Variants in TENM1 observed in about 807,000 individuals in gnomAD.
The protein encoded by TENM1 is teneurin transmembrane protein 1.
Under a neutral mutation model 174.8 loss-of-function variants are expected in TENM1, and 35 were observed. The ratio of observed to expected loss-of-function variants is 0.20; its 90% confidence interval spans 0.15 to 0.27. The LOEUF (loss-of-function observed/expected upper bound fraction) is 0.27, where lower values mean the gene tolerates loss of function less well. Ranked by LOEUF, TENM1 falls within the 10% of genes least tolerant of loss-of-function variation. The pLI is 1.00. For synonymous variants in TENM1, 781 were observed against 798.7 expected (o/e 0.98, Z 0.37); for missense variants, 1,633 against 2,130.1 (o/e 0.77, Z 4.59).
intron 3 of TENM1, among the ~76,000 whole-genome samples, chrX:124,756,931 G>A (rs960565855): frequency 3.6e-5 from 4 of 112,016 alleles, no homozygotes; most frequent in African/African-American, 1.3e-4. Context: ...AGGCTGCTCG[G>A]GGGTCAGGGG....
the TENM1 span, among the ~76,000 whole-genome samples, chrX:125,004,225 A>T: frequency 1.8e-4 from 20 of 111,752 alleles, no homozygotes; most frequent in African/African-American, 5.5e-4. Flanking sequence ...CACTCCGAGC[A>T]TTTCTGATTC....
the TENM1 span, among the ~76,000 whole-genome samples, chrX:125,122,740 G>A: frequency 9.0e-6 from 1 of 110,799 alleles, no homozygotes; most frequent in Non-Finnish European, 1.9e-5. Context: ...AGAACTACAA[G>A]GTCATACAGA....
chrX:124,920,982 T>C (rs73215170), intron 1 of TENM1, among the ~76,000 whole-genome samples: 4,532 of 105,394 alleles, frequency 0.043, 122 homozygotes, highest in Non-Finnish European at 0.068. Context: ...AGTCCCTTTA[T>C]ATAACAAGAC....
intron 23 of TENM1, among the ~76,000 whole-genome samples, chrX:124,424,749 C>T (rs563357009): frequency 2.7e-5 from 3 of 110,957 alleles, no homozygotes; most frequent in East Asian, 5.7e-4. Flanking sequence ...TACTGTCCCC[C>T]CTTGGTACTG....
chrX:124,571,989 A>AT (rs1451070539), intron 11 of TENM1, among the ~76,000 whole-genome samples: 1 of 109,135 alleles, frequency 9.2e-6, no homozygotes, highest in East Asian at 2.9e-4. Flanking sequence ...GGATGTCTCT[A>AT]TTTTGCCCAG....
At chrX:124,571,089 C>T (rs962480775) in intron 11 of TENM1, among the ~76,000 whole-genome samples, 2 of 111,591 alleles carry the variant, frequency 1.8e-5, no homozygotes. Flanking sequence ...CAAAAACTGA[C>T]AAAGATTCAT....
chrX:125,004,705 CTTCA>C, the TENM1 span, among the ~76,000 whole-genome samples: 1 of 110,997 alleles, frequency 9.0e-6, no homozygotes, highest in Non-Finnish European at 1.9e-5. Flanking sequence ...GTTAAATTTG[CTTCA>C]TTTATATTTT....
At chrX:124,521,734 A>G (rs973766844) in intron 17 of TENM1, among the ~76,000 whole-genome samples, 1 of 112,356 alleles carries the variant, frequency 8.9e-6, no homozygotes, top group African/African-American at 3.2e-5. Flanking sequence ...TCATGCTCTT[A>G]TTCATTTTTA....
Position 124,478,956 on chromosome X carries a change from T to C in TENM1, c.3949+2776A>G, listed in dbSNP as rs767444330. Among the ~76,000 whole-genome samples the C allele has an allele frequency of 7.6e-4, 85 of 112,453 alleles. 1 individual carries two copies. Among genetic ancestry groups the C allele is most frequent in the Admixed American group, 2.8e-4 (3 of 10,620 alleles). ...ACTTTTTGCATGTTTTTTCCTTTTA[T>C]GGAAGTCTATGAAATCGCCCTGCAG... On this transcript the variant is annotated intron_variant, in intron 22 of 31. Transcript: ENST00000422452.
intron 5 of TENM1, among the ~76,000 whole-genome samples, chrX:124,679,466 C>A (rs772710535): frequency 8.9e-6 from 1 of 111,855 alleles, no homozygotes; most frequent in East Asian, 2.8e-4. Context: ...TTTCACCAGA[C>A]CGATACTTCA....
At chrX:124,809,088 G>A (rs2055691704) in intron 3 of TENM1, among the ~76,000 whole-genome samples, 1 of 110,531 alleles carries the variant, frequency 9.0e-6, no homozygotes, top group Non-Finnish European at 1.9e-5. Context: ...ACTGAGAGAA[G>A]ACTCAAACGA....
chrX:124,715,328 C>T lies in TENM1; in HGVS notation c.777-10077G>A, dbSNP rs777492828. Among the ~76,000 whole-genome samples the T allele has an allele frequency of 4.9e-3, 535 of 109,719 alleles. 3 individuals are homozygous for T. Among genetic ancestry groups the T allele is most frequent in the African/African-American group, 0.017 (512 of 30,174 alleles). ...AATCAAAATAGGAACAAACAGGTGA[C>T]GCAGGAAATACTTGTGACTATACAT... On this transcript the variant is annotated intron_variant, in intron 4 of 31. Coordinates refer to ENST00000422452, the Ensembl canonical transcript of TENM1.
chrX:125,199,743 A>G, the TENM1 span, among the ~76,000 whole-genome samples: 1 of 112,068 alleles, frequency 8.9e-6, no homozygotes, highest in Non-Finnish European at 1.9e-5. Context: ...ATTTTAAAAT[A>G]TTAGGGATCC....
intron 22 of TENM1, among the ~76,000 whole-genome samples, chrX:124,460,169 G>A (rs1474236536): frequency 1.8e-5 from 2 of 111,839 alleles, no homozygotes; most frequent in African/African-American, 3.2e-5. Context: ...AGACAGTGTG[G>A]TGATTCCTTA....
chrX:124,734,447 CAAATAAAT>C lies in TENM1; in HGVS notation c.776+2502_776+2509del, dbSNP rs76682292. On this transcript the variant is annotated intron_variant, in intron 4 of 31. Coordinates refer to ENST00000422452, the Ensembl canonical transcript of TENM1. ...CCTGGGCGACAGAAGGAGACTGTCTCAAATAAATAAATAAATAAATAAATAAATAAATA... is the reference window on the plus strand; with the variant it reads ...CCTGGGCGACAGAAGGAGACTGTCTCAAATAAATAAATAAATAAATAAATA... 3.2e-3 allele frequency among the ~76,000 whole-genome samples: 329 copies of C among 104,364 alleles called. 2 individuals carry two copies. The highest frequency in any genetic ancestry group is 5.5e-3 in the East Asian group (18 of 3,256). 90.6% of individuals were successfully genotyped at this position (104,364 alleles called of 115,157 possible). A position where few individuals can be genotyped will look rare whatever the true frequency, so the allele number is the denominator to read the frequency against.
the TENM1 span, among the ~76,000 whole-genome samples, chrX:125,190,937 T>C: frequency 1.8e-5 from 2 of 111,540 alleles, no homozygotes; most frequent in Admixed American, 9.5e-5. Context: ...ATTTTACACC[T>C]TGGTTTATCA....
intron 3 of TENM1, among the ~76,000 whole-genome samples, chrX:124,753,250 G>A (rs1485246796): frequency 2.7e-5 from 3 of 110,397 alleles, no homozygotes; most frequent in South Asian, 4.0e-4. Context: ...TTTTGAAGCA[G>A]TTGTGAATGG....
rs2056549368 is a variant in TENM1, at chrX:124,843,678, C to T, written c.535+50618G>A. Among the ~76,000 whole-genome samples, 3 of 111,568 alleles carry T rather than the reference C, an allele frequency of 2.7e-5. No homozygotes were observed. The South Asian group carries it at 1.1e-3, about 42-fold the overall frequency. On this transcript the variant is annotated intron_variant, in intron 3 of 31. Coordinates refer to ENST00000422452, the Ensembl canonical transcript of TENM1. ...TGGGAGGAAATGCAGAGTTTTAGCA[C>T]CTTTTCTTTCCCAGGAAAATTGCTG...
At chrX:124,804,703 C>A (rs932723626) in intron 3 of TENM1, among the ~76,000 whole-genome samples, 52 of 111,571 alleles carry the variant, frequency 4.7e-4, no homozygotes, top group African/African-American at 1.6e-3. Flanking sequence ...AAAATAAGAA[C>A]CAAGTTCTCC....
Sources: allele counts gnomAD v4.1 joint callset (sites outside exome capture counted in the v4.1 genomes callset), GRCh38; gene constraint gnomAD v4.1.1; transcripts MANE v1.5; gene names NCBI Gene and HGNC (gene_info 2026-07-23, HGNC 2026-07-21).